The following DPP10 variants were observed in gnomAD, a reference collection of about 807,000 sequenced individuals.
The protein encoded by DPP10 is dipeptidyl peptidase like 10, also known as inactive dipeptidyl peptidase 10.
In DPP10, 33 loss-of-function variants were observed where a neutral mutation model predicts 120.9. That is an observed-to-expected ratio of 0.27 (90% confidence interval 0.21 to 0.37). The LOEUF (loss-of-function observed/expected upper bound fraction) is 0.37, where lower values mean the gene tolerates loss of function less well. DPP10 is among the 10% of genes least tolerant of loss of function. The pLI, the probability that DPP10 is intolerant of heterozygous loss-of-function variation, is 1.00. For synonymous variants in DPP10, 337 were observed against 326.1 expected (o/e 1.03, Z -0.36); for missense variants, 816 against 942.8 (o/e 0.87, Z 1.76).
In DPP10 at chr2:115,768,398, C is replaced by A; in HGVS notation, c.1215C>A (p.Leu405=). ...RGEFHHVAMF[L]IQSKSEQITV... is the part of the protein sequence containing the mutation. Reference sequence around the variant, plus strand: ...AATTTCACCACGTAGCTATGTTCCTCATCCAGGTAAGTGCTGGCTTTTTTC... The same window carrying A: ...AATTTCACCACGTAGCTATGTTCCTAATCCAGGTAAGTGCTGGCTTTTTTC... The change falls in exon 13 of 26, where the codon CTC becomes CTA. Residue 405 remains leucine, a synonymous_variant. Transcript: ENST00000410059. The A allele has an allele frequency of 6.2e-7, 1 of 1,612,452 alleles. No individual in the cohort carries two copies. The highest frequency in any genetic ancestry group is 2.2e-5 in the East Asian group (1 of 44,816).
Position 115,012,570 on chromosome 2 carries a change from C to T in DPP10, c.61-296669C>T, listed in dbSNP as rs201511484. ...CCAGTAGCTCCGCTGGGTGGCTAGA[C>T]CAAGAAAAGCAAAAAGTATCACTAT... On this transcript the variant is annotated intron_variant, in intron 1 of 25. Transcript: ENST00000410059. Among the ~76,000 whole-genome samples, 277 of 152,022 alleles carry T rather than the reference C, an allele frequency of 1.8e-3. 1 individual carries two copies. Among genetic ancestry groups the T allele is most frequent in the Non-Finnish European group, 2.9e-3 (195 of 67,980 alleles).
chr2:115,648,584 G>A (rs2087478836), intron 5 of DPP10, among the ~76,000 whole-genome samples: 1 of 150,016 alleles, frequency 6.7e-6, no homozygotes, highest in Admixed American at 6.7e-5. Flanking sequence ...TAACAAACCT[G>A]CAAATCCTGC....
At chr2:114,720,278 G>C (rs557323925) in intron 1 of DPP10, among the ~76,000 whole-genome samples, 6 of 152,096 alleles carry the variant, frequency 3.9e-5, no homozygotes, top group Non-Finnish European at 8.8e-5. Context: ...GCTTGCATGA[G>C]CACTAGGTCT....
intron 7 of DPP10, among the ~76,000 whole-genome samples, chr2:115,712,374 C>T (rs2092346554): frequency 6.6e-6 from 1 of 150,844 alleles, no homozygotes; most frequent in Non-Finnish European, 1.5e-5. Flanking sequence ...GCTGTAAGCA[C>T]AGATGAAGCC....
At chr2:115,530,585 G>A (rs954299701) in intron 5 of DPP10, among the ~76,000 whole-genome samples, 2 of 152,044 alleles carry the variant, frequency 1.3e-5, no homozygotes, top group African/African-American at 4.8e-5. Context: ...TGGAGGCTGA[G>A]GAGGAGAATC....
intron 1 of DPP10, among the ~76,000 whole-genome samples, chr2:115,169,668 T>C (rs1456356471): frequency 6.6e-6 from 1 of 152,188 alleles, no homozygotes; most frequent in Non-Finnish European, 1.5e-5. Flanking sequence ...AGAAATTCTT[T>C]GCATACGGGA....
At chr2:115,294,906 C>A (rs1349987458) in intron 1 of DPP10, among the ~76,000 whole-genome samples, 1 of 152,074 alleles carries the variant, frequency 6.6e-6, no homozygotes, top group Non-Finnish European at 1.5e-5. Flanking sequence ...CTCCTCCCGA[C>A]ACAGACACAG....
At chr2:115,728,067 C>G in intron 8 of DPP10, 131 bp downstream of exon 8, 2 of 1,027,448 alleles carry the variant, frequency 1.9e-6, no homozygotes, top group South Asian at 3.3e-5. Context: ...CAAAATTGCC[C>G]TCATGCTTTC....
At chr2:115,749,935 G>C in intron 10 of DPP10, 1 of 967,022 alleles carries the variant, frequency 1.0e-6, no homozygotes, top group Non-Finnish European at 1.2e-6. Flanking sequence ...CCAGCTGATA[G>C]AAAGTCTGTT....
intron 1 of DPP10, among the ~76,000 whole-genome samples, chr2:114,967,621 AG>A (rs766985546): frequency 9.2e-5 from 14 of 152,190 alleles, no homozygotes; most frequent in Non-Finnish European, 1.8e-4. Flanking sequence ...TGAATGGTGC[AG>A]GGTGAAAGTG....
chr2:115,801,572 GT>G (rs1399137193), intron 19 of DPP10, among the ~76,000 whole-genome samples: 1 of 152,106 alleles, frequency 6.6e-6, no homozygotes, highest in Non-Finnish European at 1.5e-5. Flanking sequence ...CTGTGGGTTT[GT>G]CATAAATAGC....
At chr2:115,182,030 G>T (rs1038772916) in intron 1 of DPP10, among the ~76,000 whole-genome samples, 2 of 152,048 alleles carry the variant, frequency 1.3e-5, no homozygotes, top group African/African-American at 4.8e-5. Flanking sequence ...TGCTTAAAAA[G>T]ATAAGAATTT....
chr2:114,683,588 C>G (rs1215434131), intron 1 of DPP10, among the ~76,000 whole-genome samples: 1 of 143,694 alleles, frequency 7.0e-6, no homozygotes, highest in Non-Finnish European at 1.5e-5. Context: ...CTCTCTTTTT[C>G]TTTTTTTCTT....
chr2:114,827,937 A>G (rs1686711942), intron 1 of DPP10, among the ~76,000 whole-genome samples: 1 of 152,330 alleles, frequency 6.6e-6, no homozygotes, highest in East Asian at 1.9e-4. Flanking sequence ...TTTTTTTACA[A>G]TAACAGAAAG....
intron 1 of DPP10, among the ~76,000 whole-genome samples, chr2:115,165,555 A>G (rs943704847): frequency 2.0e-5 from 3 of 152,238 alleles, no homozygotes; most frequent in Admixed American, 1.3e-4. Flanking sequence ...TCTAAATAAT[A>G]TAAAAGAACA....
intron 4 of DPP10, among the ~76,000 whole-genome samples, chr2:115,500,954 G>T (rs193061145): frequency 6.6e-6 from 1 of 152,088 alleles, no homozygotes; most frequent in Admixed American, 6.6e-5. Flanking sequence ...CCATTAGTAA[G>T]AAGATAGGAT....
chr2:115,061,254 T>C (rs1706374595), intron 1 of DPP10, among the ~76,000 whole-genome samples: 1 of 152,216 alleles, frequency 6.6e-6, no homozygotes, highest in Non-Finnish European at 1.5e-5. Context: ...CTGTGGGATC[T>C]TCTGGGAAAA....
In DPP10 at chr2:115,274,387, C is replaced by G. The variant is rs1290258211; in HGVS notation, c.61-34852C>G. On this transcript the variant is annotated intron_variant, in intron 1 of 25. Transcript: ENST00000410059. ...ATTACATTGCCATCCTCTCTTTTTC[C>G]CTGGTGAATATTTAGGTGCACTTTG... is the stretch of plus-strand genomic sequence containing the variant. 2.6e-5 allele frequency among the ~76,000 whole-genome samples: 4 copies of G among 151,964 alleles called. No homozygotes were observed. The East Asian group carries it at 7.7e-4, about 29-fold the overall frequency.
At chr2:114,478,723 C>CA (rs891986718) in intron 1 of DPP10, among the ~76,000 whole-genome samples, 3 of 151,946 alleles carry the variant, frequency 2.0e-5, no homozygotes, top group African/African-American at 7.2e-5. Flanking sequence ...TGGATGAGTT[C>CA]AAAAAATCAT....
Sources: gnomAD v4.1 joint callset for allele counts (sites outside exome capture counted in the v4.1 genomes callset) on GRCh38, gnomAD v4.1.1 for gene constraint, MANE v1.5 for transcripts, NCBI Gene and HGNC (gene_info 2026-07-23, HGNC 2026-07-21) for gene names.